Variants in ANKS1B observed in about 807,000 individuals in gnomAD.
ANKS1B encodes ankyrin repeat and sterile alpha motif domain-containing protein 1B.
ANKS1B carries 36 observed loss-of-function variants against 148.3 expected under a neutral mutation model. The ratio of observed to expected loss-of-function variants is 0.24; its 90% CI spans 0.19 to 0.32. ANKS1B has a LOEUF of 0.32. Ranked by LOEUF, ANKS1B falls within the 10% of genes least tolerant of loss-of-function variation. ANKS1B has a pLI of 1.00. For missense variants in ANKS1B, 1,157 were observed against 1,542.6 expected, an observed-to-expected ratio of 0.75 and a Z score of 4.19; for synonymous variants, 542 against 560.8, an observed-to-expected ratio of 0.97 and a Z score of 0.47.
intron 12 of ANKS1B, among the ~76,000 whole-genome samples, chr12:99,342,855 GATA>G (rs1603174528): frequency 6.6e-6 from 1 of 151,908 alleles, no homozygotes; most frequent in Non-Finnish European, 1.5e-5. Context: ...TGACCTTTGA[GATA>G]ATGTTTTGTC....
intron 9 of ANKS1B, among the ~76,000 whole-genome samples, chr12:99,524,149 AAAAAGTATCC>A (rs1309115410): frequency 1.3e-5 from 2 of 152,224 alleles, no homozygotes; most frequent in African/African-American, 4.8e-5. Context: ...CAATATCAAG[AAAAAGTATCC>A]CCTGAAGATT....
In ANKS1B at chr12:99,738,823, T is replaced by C. The variant is rs374312462; in HGVS notation, c.1128+34099A>G. On this transcript the variant is annotated intron_variant, in intron 8 of 26. Transcript: ENST00000683438. ...GAAAACCAACAGAATCCCACAAATA[T>C]GCTCACATTTGGAGATGTGAGGCTG... is the stretch of plus-strand genomic sequence containing the variant. Among the ~76,000 whole-genome samples, 121 of 152,238 alleles carry C rather than the reference T, an allele frequency of 7.9e-4. 1 individual carries two copies. The highest frequency in any genetic ancestry group is 1.3e-3 in the Non-Finnish European group (85 of 67,998).
chr12:99,155,766 G>C (rs533943270), intron 14 of ANKS1B, among the ~76,000 whole-genome samples: 2 of 152,104 alleles, frequency 1.3e-5, no homozygotes, highest in African/African-American at 2.4e-5. Context: ...TCTTCCTAAC[G>C]TAGGCATCCC....
intron 25 of ANKS1B, among the ~76,000 whole-genome samples, chr12:98,762,299 C>T (rs1246577039): frequency 1.3e-5 from 2 of 152,154 alleles, no homozygotes; most frequent in Non-Finnish European, 2.9e-5. Context: ...CCTTTCCACC[C>T]TGGGAGTTTC....
intron 12 of ANKS1B, among the ~76,000 whole-genome samples, chr12:99,281,161 G>T (rs144639404): frequency 6.6e-6 from 1 of 152,220 alleles, no homozygotes; most frequent in African/African-American, 2.4e-5. Context: ...GAGCTGCCTA[G>T]TCTACCTTCA....
At chr12:99,085,526 A>G (rs2051402273) in intron 15 of ANKS1B, among the ~76,000 whole-genome samples, 1 of 152,144 alleles carries the variant, frequency 6.6e-6, no homozygotes. Context: ...TGATAGAAAA[A>G]TTGACATATA....
rs866882423 is a variant in ANKS1B, at chr12:99,983,897, G to C, written c.134+207C>G. Among the ~76,000 whole-genome samples, 9 of 152,250 alleles carry C rather than the reference G, an allele frequency of 5.9e-5. No homozygotes were observed. The South Asian group carries it at 1.0e-3, about 18-fold the overall frequency. The stretch of plus-strand genomic sequence containing the variant: ...TAGCTTACTGACGCATTGATGGAAG[G>C]CTATTTTAAAATTACTCAAAGAATC... On this transcript the variant is annotated intron_variant, in intron 1 of 26. Transcript: ENST00000683438.
At chr12:98,794,848 A>C (rs1175973848) in intron 22 of ANKS1B, 2 of 1,603,024 alleles carry the variant, frequency 1.2e-6, no homozygotes, top group Admixed American at 3.3e-5. Context: ...AGTTCAGGAT[A>C]TCAAAGAAGT....
intron 14 of ANKS1B, among the ~76,000 whole-genome samples, chr12:99,217,065 G>A (rs2084319844): frequency 6.6e-6 from 1 of 152,178 alleles, no homozygotes; most frequent in South Asian, 2.1e-4. Context: ...CATGGGCCCT[G>A]ATGATTTTGG....
chr12:99,591,689 A>G (rs2097704417), intron 9 of ANKS1B, among the ~76,000 whole-genome samples: 1 of 152,058 alleles, frequency 6.6e-6, no homozygotes, highest in Non-Finnish European at 1.5e-5. Flanking sequence ...CTCGATTCTC[A>G]AGGGTAAGGA....
At chr12:99,924,753 C>T (rs972302895) in intron 1 of ANKS1B, among the ~76,000 whole-genome samples, 20 of 152,152 alleles carry the variant, frequency 1.3e-4, no homozygotes, top group African/African-American at 4.8e-4. Flanking sequence ...CCCTACCAGA[C>T]ACTTCCCAAT....
downstream of ANKS1B, among the ~76,000 whole-genome samples, chr12:98,742,688 G>GTGA (rs1369728907): frequency 2.6e-5 from 4 of 152,264 alleles, no homozygotes; most frequent in African/African-American, 9.6e-5. Context: ...ATGCAGCATG[G>GTGA]TGATGGTCAA....
chr12:98,972,222 A>G (rs1383175466), intron 17 of ANKS1B, among the ~76,000 whole-genome samples: 4 of 152,214 alleles, frequency 2.6e-5, no homozygotes, highest in African/African-American at 4.8e-5. Flanking sequence ...ATGCTCAGGT[A>G]TTAGCCATTT....
chr12:98,956,173 T>C (rs1173700292), intron 17 of ANKS1B, among the ~76,000 whole-genome samples: 3 of 152,198 alleles, frequency 2.0e-5, no homozygotes, highest in Non-Finnish European at 2.9e-5. Flanking sequence ...GCATGTAAGC[T>C]GGCAGTCACA....
chr12:99,620,859 C>T lies in ANKS1B; in HGVS notation c.1272+34208G>A, dbSNP rs369584476. ...TTAAGGGAATAACTCAAGAAAATTA[C>T]CCTAATCTTGCTAGAGAGGTAGACA... On this transcript the variant is annotated intron_variant, in intron 9 of 26. Coordinates refer to ENST00000683438, the MANE Select transcript of ANKS1B (RefSeq NM_001352186.2). Among the ~76,000 whole-genome samples the T allele has an allele frequency of 1.8e-3, 277 of 152,178 alleles. 8 individuals are homozygous for T. In the South Asian group the frequency reaches 0.046, roughly 25 times the overall value.
At chr12:98,871,522 A>G (rs1402808948) in intron 17 of ANKS1B, among the ~76,000 whole-genome samples, 2 of 152,198 alleles carry the variant, frequency 1.3e-5, no homozygotes, top group Non-Finnish European at 2.9e-5. Context: ...TGAAAATTAG[A>G]ACCAACATCT....
At chr12:99,885,971 G>T (rs1173196822) in intron 1 of ANKS1B, among the ~76,000 whole-genome samples, 2 of 152,136 alleles carry the variant, frequency 1.3e-5, no homozygotes, top group Non-Finnish European at 2.9e-5. Context: ...ATTCCATGGT[G>T]TATATATACC....
intron 12 of ANKS1B, among the ~76,000 whole-genome samples, chr12:99,333,798 G>A (rs1389927387): frequency 6.7e-6 from 1 of 148,582 alleles, no homozygotes; most frequent in East Asian, 2.0e-4. Flanking sequence ...TCACTTAGAA[G>A]CACTGATTCC....
intron 11 of ANKS1B, among the ~76,000 whole-genome samples, chr12:99,432,344 AG>A (rs1425332721): frequency 6.6e-6 from 1 of 152,180 alleles, no homozygotes; most frequent in Non-Finnish European, 1.5e-5. Context: ...TCTCTGGAAT[AG>A]TCTTCACTGC....
Sources: gnomAD v4.1 joint callset for allele counts (sites outside exome capture counted in the v4.1 genomes callset) on GRCh38, gnomAD v4.1.1 for gene constraint, MANE v1.5 for transcripts, NCBI Gene and HGNC (gene_info 2026-07-23, HGNC 2026-07-21) for gene names.